C2CD3: variants seen among roughly 807,000 people sequenced by gnomAD.
C2CD3 encodes C2 domain-containing protein 3.
A neutral mutation model predicts 234.0 loss-of-function variants in C2CD3; 148 were observed. The ratio of observed to expected loss-of-function variants is 0.63; its 90% CI spans 0.55 to 0.72. The LOEUF (loss-of-function observed/expected upper bound fraction) is 0.72. C2CD3 is among the 30% of genes least tolerant of loss of function. C2CD3 has a pLI of 0.00. For missense variants in C2CD3, 2,577 were observed against 2,811.5 expected, an observed-to-expected ratio of 0.92 and a Z score of 1.89; for synonymous variants, 1,000 against 1,035.4, an observed-to-expected ratio of 0.97 and a Z score of 0.66.
rs375304357 is a variant in C2CD3, at chr11:74,078,339, T to C, written c.4379A>G (p.Lys1460Arg). 5.0e-6 allele frequency: 8 copies of C among 1,614,062 alleles called. No individual in the cohort carries two copies. Among genetic ancestry groups the C allele is most frequent in the Non-Finnish European group, 6.8e-6 (8 of 1,180,028 alleles). Residue 1460 changes from lysine to arginine, a missense_variant, in exon 23 of 33, where the codon AAA (lysine) becomes AGA (arginine). Coordinates refer to ENST00000334126, the MANE Select transcript of C2CD3 (RefSeq NM_001286577.2). ...PLKKPKESVN[K>R]KQIMVTFKAS... ...CTTGAAAGTGACCATAATCTGCTTT[T>C]TGTTTACAGATTCCTTAGGCTTCTT...
rs1160625613 is a variant in C2CD3, at chr11:74,090,803, G to A, written c.3641+10C>T. On this transcript the variant is annotated intron_variant, in intron 20 of 32. Coordinates refer to ENST00000334126, the MANE Select transcript of C2CD3 (RefSeq NM_001286577.2). The stretch of plus-strand genomic sequence containing the variant: ...AAGGCTTGAGAATTGCTTGTCTCAG[G>A]TGGACTTACTTGGCTGCTGCTTGCA... 2 of 1,613,928 alleles carry A rather than the reference G, an allele frequency of 1.2e-6. No individual in the cohort carries two copies. Among genetic ancestry groups the A allele is most frequent in the African/African-American group, 1.3e-5 (1 of 74,908 alleles).
chr11:74,085,660 C>A lies in C2CD3; in HGVS notation c.3868G>T (p.Ala1290Ser), dbSNP rs1348321608. The A allele has an allele frequency of 1.2e-6, 2 of 1,613,996 alleles. No homozygotes were observed. Among genetic ancestry groups the A allele is most frequent in the African/African-American group, 2.7e-5 (2 of 74,912 alleles). The change falls in exon 21 of 33, where the codon GCA becomes TCA. Residue 1290 changes from alanine (A) to serine (S), a missense_variant. By Grantham distance (99) the Ala-to-Ser change is moderately conservative. Transcript: ENST00000334126. Reference protein sequence around the residue: ...ACFLAELLEFAEVIFAVYHEN... With the variant: ...ACFLAELLEFSEVIFAVYHEN... ...TGATAGACAGCAAAAATAACTTCTG[C>A]AAACTCCAACAACTCTGCTAGGAAA...
chr11:74,091,193 G>A, intron 19 of C2CD3: 1 of 344,208 alleles, frequency 2.9e-6, no homozygotes, highest in Non-Finnish European at 5.3e-6. Context: ...CACAACTACT[G>A]AAGGCAGAAC....
At chr11:74,060,171 T>C (rs1249899392) in intron 24 of C2CD3, among the ~76,000 whole-genome samples, 1 of 152,184 alleles carries the variant, frequency 6.6e-6, no homozygotes, top group Non-Finnish European at 1.5e-5. Context: ...TGCCTGCCTC[T>C]GTAGACTCCA....
At chr11:74,105,234 T>C (rs1052043321) in intron 13 of C2CD3, among the ~76,000 whole-genome samples, 3 of 152,100 alleles carry the variant, frequency 2.0e-5, no homozygotes, top group Non-Finnish European at 2.9e-5. Flanking sequence ...CTTTGGGTGA[T>C]TGGGAGCCAT....
At chr11:74,158,459 A>C (rs1238061388) in intron 3 of C2CD3, among the ~76,000 whole-genome samples, 1 of 152,226 alleles carries the variant, frequency 6.6e-6, no homozygotes, top group East Asian at 1.9e-4. Flanking sequence ...GTGGTGGCTC[A>C]CATCTATAAT....
intron 2 of C2CD3, among the ~76,000 whole-genome samples, chr11:74,163,507 G>A (rs1315481096): frequency 6.6e-6 from 1 of 152,184 alleles, no homozygotes; most frequent in East Asian, 1.9e-4. Context: ...AATCACAAGT[G>A]CGGTTCTCCT....
chr11:74,106,354 A>T lies in C2CD3; in HGVS notation c.2085+17T>A. 1 of 1,612,490 alleles carries T rather than the reference A, an allele frequency of 6.2e-7. No homozygotes were observed. Among genetic ancestry groups the T allele is most frequent in the Non-Finnish European group, 8.5e-7 (1 of 1,179,328 alleles). On this transcript the variant is annotated intron_variant, in intron 13 of 32. Transcript: ENST00000334126. The stretch of plus-strand genomic sequence containing the variant: ...CTCAGCAAATACTTCTGACTTCCTG[A>T]ATGTATATCTACATACCTTGAGGGG...
At chr11:74,150,517 A>AAC (rs1855552502) in intron 3 of C2CD3, among the ~76,000 whole-genome samples, 2 of 69,848 alleles carry the variant, frequency 2.9e-5, no homozygotes, top group African/African-American at 5.7e-5. Flanking sequence ...AAAAAAAAAC[A>AAC]AAAAAAAAAC....
At chr11:74,025,974 A>G (rs1952276756) in intron 32 of C2CD3, among the ~76,000 whole-genome samples, 1 of 152,178 alleles carries the variant, frequency 6.6e-6, no homozygotes, top group Admixed American at 6.5e-5. Context: ...TGCAAGGGAA[A>G]GCACAGAGAG....
At chr11:74,090,765 G>T in intron 20 of C2CD3, 48 bp downstream of exon 20, 7 of 1,607,670 alleles carry the variant, frequency 4.4e-6, no homozygotes, top group Non-Finnish European at 6.0e-6. Flanking sequence ...ATTTTACAAT[G>T]ATTGCAGTGT....
At chr11:74,126,564 G>A (rs1305472507) in intron 7 of C2CD3, among the ~76,000 whole-genome samples, 1 of 152,084 alleles carries the variant, frequency 6.6e-6, no homozygotes, top group Non-Finnish European at 1.5e-5. Context: ...CCAACACGGT[G>A]AAACCCCATC....
At chr11:74,117,790 G>A (rs1334265678) in intron 9 of C2CD3, among the ~76,000 whole-genome samples, 6 of 151,920 alleles carry the variant, frequency 3.9e-5, no homozygotes, top group Non-Finnish European at 8.8e-5. Context: ...GCACATGCCT[G>A]TAATCCTAGC....
chr11:74,088,593 C>T (rs1181724460), intron 20 of C2CD3, among the ~76,000 whole-genome samples: 1 of 152,224 alleles, frequency 6.6e-6, no homozygotes, highest in Non-Finnish European at 1.5e-5. Flanking sequence ...GACAGAGCAA[C>T]TACTGAGTTT....
At chr11:74,143,156 G>A (rs143214782) in intron 3 of C2CD3, among the ~76,000 whole-genome samples, 4 of 152,078 alleles carry the variant, frequency 2.6e-5, no homozygotes, top group East Asian at 1.9e-4. Flanking sequence ...TCTCACATCC[G>A]TAAGAGAACA....
At position 74,033,402 on chromosome 11, in the gene C2CD3, T is replaced by G. The variant is rs1391858170; in HGVS notation, c.6758A>C (p.Gln2253Pro). Residue 2253 changes from glutamine (Q) to proline (P), a missense_variant, in exon 31 of 33, where the codon CAG (glutamine) becomes CCG (proline). Transcript: ENST00000334126. ...CTCTGATCCAGTTGTCACCTGCCTCTGCCTGATGTCAGAGGAGTCGATGGG... is the reference window on the plus strand; with the variant it reads ...CTCTGATCCAGTTGTCACCTGCCTCGGCCTGATGTCAGAGGAGTCGATGGG... ...GPPIDSSDIRQRQVTTGSETS... is the reference protein window; with the variant it reads ...GPPIDSSDIRPRQVTTGSETS... The G allele has an allele frequency of 6.5e-7, 1 of 1,536,088 alleles. No individual in the cohort carries two copies. Among genetic ancestry groups the G allele is most frequent in the Non-Finnish European group, 8.7e-7 (1 of 1,146,926 alleles).
In C2CD3 at chr11:74,138,814, A is replaced by G; in HGVS notation, c.861T>C (p.Ser287=). The G allele has an allele frequency of 6.2e-7, 1 of 1,613,956 alleles. No individual in the cohort carries two copies. Among genetic ancestry groups the G allele is most frequent in the Non-Finnish European group, 8.5e-7 (1 of 1,179,796 alleles). Residue 287 remains serine (S), a synonymous_variant, in exon 5 of 33, where the codon TCT becomes TCC. Coordinates refer to ENST00000334126, the MANE Select transcript of C2CD3 (RefSeq NM_001286577.2). Reference sequence around the variant, plus strand: ...CTGTTCTAATTTGAGGCTGGAATTCAGAACTGTTCAGAAGGGACATCTGCT... The same window carrying G: ...CTGTTCTAATTTGAGGCTGGAATTCGGAACTGTTCAGAAGGGACATCTGCT... ...PRKQMSLLNS[S]EFQPQIRTVA... is the part of the protein sequence containing the mutation.
chr11:74,057,676 T>C (rs1954022372), intron 24 of C2CD3, 132 bp from the exon 25 acceptor site: 2 of 938,620 alleles, frequency 2.1e-6, no homozygotes, highest in South Asian at 1.7e-5. Flanking sequence ...CCCCTGTGTC[T>C]GAAATGTTTT....
chr11:74,082,483 T>C (rs889210193), intron 22 of C2CD3, among the ~76,000 whole-genome samples: 1 of 152,172 alleles, frequency 6.6e-6, no homozygotes, highest in African/African-American at 2.4e-5. Flanking sequence ...TATTGAGAGT[T>C]TTTAGCATGA....
Sources: allele counts gnomAD v4.1 joint callset (sites outside exome capture counted in the v4.1 genomes callset), GRCh38; gene constraint gnomAD v4.1.1; transcripts MANE v1.5; gene names NCBI Gene and HGNC (gene_info 2026-07-23, HGNC 2026-07-21).